The following GPC6 variants were observed in gnomAD, a reference collection of about 807,000 sequenced individuals.
GPC6 encodes glypican 6.
Under a neutral mutation model 55.2 loss-of-function variants are expected in GPC6, and 14 were observed. The ratio of observed to expected loss-of-function variants is 0.25; its 90% confidence interval spans 0.17 to 0.40. GPC6 has a LOEUF of 0.40. GPC6 is among the 10% of genes least tolerant of loss of function. The probability of loss-of-function intolerance (pLI) is 1.00; values close to 1 mark genes in which losing one functional copy is unlikely to be tolerated. For synonymous variants in GPC6, 278 were observed against 259.6 expected (o/e 1.07, Z -0.68); for missense variants, 641 against 708.5 (o/e 0.90, Z 1.08).
At chr13:93,269,770 CAAAAAAA>C (rs55928643) in intron 1 of GPC6, among the ~76,000 whole-genome samples, 1 of 114,596 alleles carries the variant, frequency 8.7e-6, no homozygotes, top group Non-Finnish European at 1.8e-5. Flanking sequence ...CTAAAAATAC[CAAAAAAA>C]AAAAAAAAAA....
chr13:93,636,523 T>C (rs1879705109), intron 2 of GPC6, among the ~76,000 whole-genome samples: 1 of 152,170 alleles, frequency 6.6e-6, no homozygotes. Context: ...CTACACTGCG[T>C]TGACATTGGA....
At position 93,495,839 on chromosome 13, in the gene GPC6, G is replaced by T. The variant is rs1485644294; in HGVS notation, c.161-49424G>T. Among the ~76,000 whole-genome samples, 4 of 147,236 alleles carry T rather than the reference G, an allele frequency of 2.7e-5. No homozygotes were observed. In the South Asian group the frequency reaches 9.1e-4, roughly 33 times the overall value. On this transcript the variant is annotated intron_variant, in intron 1 of 8. Transcript: ENST00000377047. ...GTGTCTCCCAGTTAGGCTGCTCGGG[G>T]GTCAGGGGTCAGGGACCCACTTGAG...
At chr13:93,219,565 C>A in the GPC6 span, among the ~76,000 whole-genome samples, 1 of 152,058 alleles carries the variant, frequency 6.6e-6, no homozygotes, top group Non-Finnish European at 1.5e-5. Context: ...ATTAAGCAGA[C>A]AATCCATTCA....
At chr13:93,778,158 G>A (rs1377037592) in intron 2 of GPC6, among the ~76,000 whole-genome samples, 2 of 152,150 alleles carry the variant, frequency 1.3e-5, no homozygotes, top group Admixed American at 1.3e-4. Flanking sequence ...TTCTTTTGCT[G>A]GTAGAGGGAT....
At chr13:93,507,942 T>C (rs1307101312) in intron 1 of GPC6, among the ~76,000 whole-genome samples, 1 of 152,168 alleles carries the variant, frequency 6.6e-6, no homozygotes, top group Non-Finnish European at 1.5e-5. Context: ...TTAAAAAACT[T>C]AAGAAATCTA....
chr13:93,359,871 A>G (rs1393204209), intron 1 of GPC6, among the ~76,000 whole-genome samples: 1 of 152,186 alleles, frequency 6.6e-6, no homozygotes, highest in Non-Finnish European at 1.5e-5. Context: ...TACTATCTTG[A>G]ATAAACAAAA....
At chr13:93,520,415 C>CA (rs753191097) in intron 1 of GPC6, among the ~76,000 whole-genome samples, 66 of 151,626 alleles carry the variant, frequency 4.4e-4, no homozygotes, top group Non-Finnish European at 8.0e-4. Flanking sequence ...GTCACTTTCT[C>CA]AAAAAAATGC....
intron 2 of GPC6, among the ~76,000 whole-genome samples, chr13:93,673,585 T>C (rs902224135): frequency 6.6e-6 from 1 of 152,114 alleles, no homozygotes; most frequent in Admixed American, 6.6e-5. Context: ...AGGAAGTGAC[T>C]TAATGATCAC....
At chr13:93,531,191 G>GT in intron 1 of GPC6, among the ~76,000 whole-genome samples, 1 of 151,956 alleles carries the variant, frequency 6.6e-6, no homozygotes, top group Non-Finnish European at 1.5e-5. Flanking sequence ...CCAAGTGTCT[G>GT]TATCAGCCAA....
chr13:94,162,406 C>A (rs1888199769), intron 4 of GPC6, among the ~76,000 whole-genome samples: 1 of 152,222 alleles, frequency 6.6e-6, no homozygotes, highest in Non-Finnish European at 1.5e-5. Flanking sequence ...CAATCAGCTG[C>A]TTTGCAAGGA....
At chr13:93,673,441 A>G (rs1224503908) in intron 2 of GPC6, among the ~76,000 whole-genome samples, 1 of 152,152 alleles carries the variant, frequency 6.6e-6, no homozygotes, top group South Asian at 2.1e-4. Context: ...GGAGACTGGA[A>G]GGTCAAAGCT....
At chr13:93,742,675 T>C (rs1363988867) in intron 2 of GPC6, among the ~76,000 whole-genome samples, 2 of 152,154 alleles carry the variant, frequency 1.3e-5, no homozygotes, top group African/African-American at 4.8e-5. Context: ...CGTGTCTATA[T>C]AGCTCATCAC....
intron 4 of GPC6, among the ~76,000 whole-genome samples, chr13:94,217,215 G>A (rs1890252818): frequency 6.6e-6 from 1 of 152,170 alleles, no homozygotes; most frequent in African/African-American, 2.4e-5. Flanking sequence ...ATGTCAGTAA[G>A]TACAGAATTC....
intron 4 of GPC6, among the ~76,000 whole-genome samples, chr13:94,259,543 T>C (rs944575114): frequency 2.0e-4 from 31 of 152,176 alleles, no homozygotes; most frequent in African/African-American, 6.0e-4. Context: ...TTTGGGTGTA[T>C]GATTCAGTGG....
intron 2 of GPC6, among the ~76,000 whole-genome samples, chr13:93,749,428 G>A (rs919377865): frequency 6.6e-6 from 1 of 151,166 alleles, no homozygotes; most frequent in East Asian, 1.9e-4. Flanking sequence ...TATTTTCCTT[G>A]ACTATTACTT....
At chr13:93,396,782 T>G (rs1225377042) in intron 1 of GPC6, among the ~76,000 whole-genome samples, 1 of 152,144 alleles carries the variant, frequency 6.6e-6, no homozygotes, top group Non-Finnish European at 1.5e-5. Context: ...TAAGTGATTT[T>G]ATAACATAGA....
chr13:94,362,604 G>T lies in GPC6; in HGVS notation c.1153-19810G>T, dbSNP rs563162558. Among the ~76,000 whole-genome samples, 13 of 152,242 alleles carry T rather than the reference G, an allele frequency of 8.5e-5. No individual in the cohort carries two copies. The South Asian group carries it at 2.7e-3, about 32-fold the overall frequency. ...CCATCTGGTGGTTATAATGAAGGTGGCCTCTAAATGCCTGGAGACGAGGCT... is the reference window on the plus strand; with the variant it reads ...CCATCTGGTGGTTATAATGAAGGTGTCCTCTAAATGCCTGGAGACGAGGCT... On this transcript the variant is annotated intron_variant, in intron 6 of 8. Coordinates refer to ENST00000377047, the MANE Select transcript of GPC6 (RefSeq NM_005708.5).
At chr13:94,167,018 A>G (rs1400876935) in intron 4 of GPC6, among the ~76,000 whole-genome samples, 2 of 152,186 alleles carry the variant, frequency 1.3e-5, no homozygotes, top group Non-Finnish European at 2.9e-5. Context: ...GTTGCTATCT[A>G]CTTCTTCATA....
chr13:94,234,551 A>C (rs1205020176), intron 4 of GPC6, among the ~76,000 whole-genome samples: 1 of 150,234 alleles, frequency 6.7e-6, no homozygotes, highest in Admixed American at 6.6e-5. Context: ...TGACCCAAGA[A>C]CTTAAAAAAA....
Sources: allele counts gnomAD v4.1 joint callset (sites outside exome capture counted in the v4.1 genomes callset), GRCh38; gene constraint gnomAD v4.1.1; transcripts MANE v1.5; gene names NCBI Gene and HGNC (gene_info 2026-07-23, HGNC 2026-07-21).